MYOF: variants seen among roughly 807,000 people sequenced by gnomAD.
The protein encoded by MYOF is myoferlin, also known as fer-1-like 3, myoferlin.
MYOF carries 244 observed loss-of-function variants against 284.2 expected under a neutral mutation model. The observed-to-expected ratio is 0.86, with a 90% CI of 0.77 to 0.95. The LOEUF is 0.95. MYOF is among the 40% of genes least tolerant of loss of function. The probability of loss-of-function intolerance (pLI) is 0.00; values close to 1 mark genes in which losing one functional copy is unlikely to be tolerated. For missense variants in MYOF, 2,496 were observed against 2,560.6 expected, an observed-to-expected ratio of 0.97 and a Z score of 0.54; for synonymous variants, 904 against 919.7, an observed-to-expected ratio of 0.98 and a Z score of 0.31.
At chr10:93,424,043 G>A (rs1589546290) in intron 5 of MYOF, among the ~76,000 whole-genome samples, 1 of 152,126 alleles carries the variant, frequency 6.6e-6, no homozygotes. Context: ...CAGAAGCTGG[G>A]AGAAAGGCTG....
In MYOF at chr10:93,445,087, T is replaced by G. The variant is rs2056391017; in HGVS notation, c.236+6963A>C. 3.3e-5 allele frequency among the ~76,000 whole-genome samples: 5 copies of G among 152,334 alleles called. No individual in the cohort carries two copies. In the South Asian group the frequency reaches 8.3e-4, roughly 25 times the overall value. On this transcript the variant is annotated intron_variant, in intron 3 of 53. Transcript: ENST00000359263. The stretch of plus-strand genomic sequence containing the variant: ...GTAGCAATACACTGATATTGAGAAT[T>G]AAATTTTTTTTTGTCAAAATTAGGA...
chr10:93,454,986 T>TAAAAAAA (rs1564732516), intron 2 of MYOF, among the ~76,000 whole-genome samples: 1 of 84,586 alleles, frequency 1.2e-5, no homozygotes. Flanking sequence ...CTTTTTTTAA[T>TAAAAAAA]TAAAAAAAAA....
chr10:93,438,132 G>A (rs1441564583), intron 3 of MYOF, among the ~76,000 whole-genome samples: 1 of 152,036 alleles, frequency 6.6e-6, no homozygotes, highest in Admixed American at 6.6e-5. Flanking sequence ...AATCCTGTTA[G>A]GTTGGGTTAG....
chr10:93,372,297 C>T (rs976498449), intron 24 of MYOF, among the ~76,000 whole-genome samples: 4 of 152,156 alleles, frequency 2.6e-5, no homozygotes, highest in Admixed American at 6.5e-5. Flanking sequence ...TATACACACA[C>T]AGAGTTCTTA....
intron 3 of MYOF, among the ~76,000 whole-genome samples, chr10:93,449,407 G>A (rs1038101670): frequency 1.3e-5 from 2 of 152,180 alleles, no homozygotes; most frequent in Non-Finnish European, 1.5e-5. Flanking sequence ...ACCATTTGCA[G>A]AAAGAAGAAA....
intron 5 of MYOF, among the ~76,000 whole-genome samples, chr10:93,420,326 G>T (rs1223649355): frequency 6.6e-6 from 1 of 152,164 alleles, no homozygotes; most frequent in African/African-American, 2.4e-5. Flanking sequence ...CTGACATCTG[G>T]CGAATTAAGT....
At chr10:93,307,250 G>A (rs1367015662) in intron 53 of MYOF, among the ~76,000 whole-genome samples, 1 of 151,988 alleles carries the variant, frequency 6.6e-6, no homozygotes, top group East Asian at 1.9e-4. Flanking sequence ...CCTCTTGGGG[G>A]TGGGGAGCAA....
rs558864109 is a variant in MYOF at position 93,323,163 on chromosome 10, G to A, written c.5371C>T (p.Arg1791Cys). Residue 1791 changes from arginine (R) to cysteine (C), a missense_variant, in exon 48 of 54, where the codon CGT becomes TGT. Arg to Cys is a radical substitution (Grantham distance 180). Around this residue, in one of 3 missense-constraint regions of MYOF, gnomAD observed 2,436 missense variants for 2,480.7 expected, o/e 0.98. Coordinates refer to ENST00000359263, the MANE Select transcript of MYOF (RefSeq NM_013451.4). Reference protein sequence around the residue: ...TPRKAKKYYLRVIIWNTKDVI... With the variant: ...TPRKAKKYYLCVIIWNTKDVI... ...TCCTTGGTGTTCCAGATGATCACAC[G>A]CAGGTAGTATCTGCAAGAAGCACAG... 7.4e-6 allele frequency: 12 copies of A among 1,614,062 alleles called. No homozygotes were observed. The highest frequency in any genetic ancestry group is 2.2e-5 in the East Asian group (1 of 44,884).
rs1847685141 is a variant in MYOF, at chr10:93,407,775, G to GCAAAACAAACA, written c.729+1001_729+1011dup. Among the ~76,000 whole-genome samples the GCAAAACAAACA allele has an allele frequency of 2.6e-5, 4 of 151,374 alleles. No homozygotes were observed. In the South Asian group the frequency reaches 8.4e-4, roughly 32 times the overall value. ...AAAAAAAAATTTATCAGTATGGGGGGCAAAACAAACAAAGCCCCTGTGTGC... is the reference window on the plus strand; with the variant it reads ...AAAAAAAAATTTATCAGTATGGGGGGCAAAACAAACACAAAACAAACAAAGCCCCTGTGTGC... On this transcript the variant is annotated intron_variant, in intron 7 of 53. Transcript: ENST00000359263.
At chr10:93,414,990 C>T (rs180818208) in intron 5 of MYOF, among the ~76,000 whole-genome samples, 132 of 152,202 alleles carry the variant, frequency 8.7e-4, no homozygotes, top group African/African-American at 3.0e-3. Context: ...GTGATCCACC[C>T]TCCTCGGCCT....
At chr10:93,474,170 A>G (rs962362143) in intron 1 of MYOF, among the ~76,000 whole-genome samples, 3 of 152,122 alleles carry the variant, frequency 2.0e-5, no homozygotes, top group Non-Finnish European at 4.4e-5. Flanking sequence ...TTCTGATTCC[A>G]GTCCTGGGAT....
intron 1 of MYOF, among the ~76,000 whole-genome samples, chr10:93,478,840 A>AAGAAAG (rs10666333): frequency 1.8e-4 from 14 of 78,016 alleles, no homozygotes; most frequent in East Asian, 1.5e-3. Context: ...AAAAAAAAAA[A>AAGAAAG]AAAGAAAGAA....
chr10:93,315,148 C>T (rs1842562802), intron 50 of MYOF, among the ~76,000 whole-genome samples: 2 of 152,200 alleles, frequency 1.3e-5, no homozygotes. Flanking sequence ...TTGCTGACCT[C>T]TTAACTAAGC....
intron 35 of MYOF, 78 bp downstream of exon 35, chr10:93,351,117 TTC>T: frequency 7.1e-7 from 1 of 1,416,596 alleles, no homozygotes; most frequent in African/African-American, 1.4e-5. Context: ...TGCAGCAGGA[TTC>T]TATGTTCTAT....
rs748019718 is a variant in MYOF at position 93,325,835 on chromosome 10, G to C, written c.5262C>G (p.Asn1754Lys). 6.2e-7 allele frequency: 1 copy of C among 1,612,642 alleles called. No homozygotes were observed. The highest frequency in any genetic ancestry group is 8.5e-7 in the Non-Finnish European group (1 of 1,179,448). ...TRTLHSTFQP[N>K]ISQGKLQMWV... ...AGGGAAGGCCCTTTACCTGGGAAAT[G>C]TTGGGCTGGAAGGTGCTGTGCAAAG... The change falls in exon 46 of 54, where the codon AAC (asparagine) becomes AAG (lysine). Residue 1754 changes from asparagine to lysine, a missense_variant. By Grantham distance (94) the Asn-to-Lys change is moderately conservative. This residue lies in a region of MYOF where 2,436 missense variants were observed against 2,480.7 expected (regional missense o/e 0.98). Transcript: ENST00000359263.
At position 93,369,615 on chromosome 10, in the gene MYOF, A is replaced by G. The variant is rs373615894; in HGVS notation, c.2589+30T>C. ...AAAAGTGCCCCTCCCCCGACCAAAGAAGAAAAGATAGTGAAATCATTAAAG... is the reference window on the plus strand; with the variant it reads ...AAAAGTGCCCCTCCCCCGACCAAAGGAGAAAAGATAGTGAAATCATTAAAG... On this transcript the variant is annotated intron_variant, in intron 25 of 53. Coordinates refer to ENST00000359263, the MANE Select transcript of MYOF (RefSeq NM_013451.4). The G allele has an allele frequency of 6.2e-6, 10 of 1,612,478 alleles. 1 individual carries two copies. The Admixed American group carries it at 6.7e-5, about 11-fold the overall frequency.
chr10:93,401,197 C>T (rs1847276220), intron 12 of MYOF, among the ~76,000 whole-genome samples: 1 of 152,076 alleles, frequency 6.6e-6, no homozygotes, highest in Non-Finnish European at 1.5e-5. Flanking sequence ...GGGCCAAAGG[C>T]AGGTACTCAA....
intron 40 of MYOF, 73 bp downstream of exon 40, chr10:93,337,742 T>C (rs1328274084): frequency 3.1e-6 from 4 of 1,290,692 alleles, no homozygotes; most frequent in Non-Finnish European, 4.4e-6. Flanking sequence ...CTTTTAGTCA[T>C]CCTCTTAGCT....
intron 31 of MYOF, among the ~76,000 whole-genome samples, chr10:93,354,251 G>A (rs147423883): frequency 8.0e-4 from 121 of 152,194 alleles, no homozygotes; most frequent in Middle Eastern, 6.8e-3. Flanking sequence ...GGTGGTGCAC[G>A]TCTGTAATCC....
Sources: allele counts gnomAD v4.1 joint callset (sites outside exome capture counted in the v4.1 genomes callset), GRCh38; gene constraint gnomAD v4.1.1; regional missense constraint gnomAD v4.1.1; transcripts MANE v1.5; gene names NCBI Gene and HGNC (gene_info 2026-07-23, HGNC 2026-07-21).